The following SNCB variants were observed in gnomAD, a reference collection of about 807,000 sequenced individuals.
SNCB encodes beta-synuclein.
In SNCB, 8 loss-of-function variants were observed where a neutral mutation model predicts 20.0. The observed-to-expected ratio is 0.40, with a 90% CI of 0.24 to 0.72. The LOEUF (loss-of-function observed/expected upper bound fraction) is 0.72. Among genes scored for constraint, SNCB ranks in the 30% least tolerant of loss-of-function variants. SNCB has a pLI of 0.37. For synonymous variants in SNCB, 56 were observed against 65.4 expected (o/e 0.86, Z 0.69); for missense variants, 125 against 168.0 (o/e 0.74, Z 1.41).
rs1291337536 is a variant in SNCB at position 176,629,723 on chromosome 5, C to T, written c.-9-60G>A. ...GCCCCGCACTCTCACCCCAGCCCCTCCCGCGGGACGCAGATGCCCCCCTAC... is the reference window on the plus strand; with the variant it reads ...GCCCCGCACTCTCACCCCAGCCCCTTCCGCGGGACGCAGATGCCCCCCTAC... On this transcript the variant is annotated intron_variant, in intron 1 of 5. Transcript: ENST00000393693. The surrounding 1 kb of genome is among the most constrained non-coding windows in gnomAD (Gnocchi z 4.1). 3.6e-5 allele frequency: 56 copies of T among 1,574,364 alleles called. No homozygotes were observed. Among genetic ancestry groups the T allele is most frequent in the Non-Finnish European group, 4.6e-5 (53 of 1,156,806 alleles).
Position 176,620,822 on chromosome 5 carries a change from G to A in SNCB, c.394C>T (p.Pro132Ser), listed in dbSNP as rs2113371933. The A allele has an allele frequency of 6.2e-7, 1 of 1,613,814 alleles. No individual in the cohort carries two copies. Among genetic ancestry groups the A allele is most frequent in the East Asian group, 2.2e-5 (1 of 44,876 alleles). The stretch of plus-strand genomic sequence containing the variant: ...GCTCTCCTGGGCCCCTACGCCTCTG[G>A]CTCATACTCCTGATATTCCTCCTGC... ...PPQEEYQEYE[P>S]EA The change falls in exon 6 of 6, where the codon CCA becomes TCA. Residue 132 changes from proline (P) to serine (S), a missense_variant. Transcript: ENST00000393693. The surrounding 1 kb of genome is among the most constrained non-coding windows in gnomAD (Gnocchi z 4.5).
At chr5:176,623,615 G>T (rs1002685028) in intron 4 of SNCB, among the ~76,000 whole-genome samples, 1 of 152,154 alleles carries the variant, frequency 6.6e-6, no homozygotes, top group African/African-American at 2.4e-5. Flanking sequence ...GTCCTGGGGG[G>T]TAGTGTTCTG....
intron 2 of SNCB, among the ~76,000 whole-genome samples, chr5:176,628,470 A>T (rs1439805549): frequency 1.3e-5 from 2 of 152,118 alleles, no homozygotes; most frequent in Non-Finnish European, 2.9e-5. Flanking sequence ...TAATCACATC[A>T]TGGCAGTCCC....
rs758679850 is a variant in SNCB, at chr5:176,626,611, G to A, written c.164-95C>T. 6 of 1,519,142 alleles carry A rather than the reference G, an allele frequency of 3.9e-6. No homozygotes were observed. The highest frequency in any genetic ancestry group is 5.5e-6 in the Non-Finnish European group (6 of 1,093,730). 94.1% of individuals were successfully genotyped at this position (1,519,142 alleles called of 1,614,324 possible). On this transcript the variant is annotated intron_variant, in intron 3 of 5. Transcript: ENST00000393693. This position sits in a 1 kb window ranked among gnomAD's most constrained non-coding sequence, Gnocchi z 4.2. ...TATCCCAGGGCCTGCCCTCCCCACGGAGCATTCCCGCAGAAGCCTTGGGAG... is the reference window on the plus strand; with the variant it reads ...TATCCCAGGGCCTGCCCTCCCCACGAAGCATTCCCGCAGAAGCCTTGGGAG...
At chr5:176,627,097 C>T (rs186348630) in intron 2 of SNCB, among the ~76,000 whole-genome samples, 13 of 152,340 alleles carry the variant, frequency 8.5e-5, no homozygotes, top group African/African-American at 2.9e-4. Flanking sequence ...TTATTGTCCC[C>T]GTTTCACGGA....
At chr5:176,627,042 C>T (rs1236613965) in intron 2 of SNCB, among the ~76,000 whole-genome samples, 3 of 152,236 alleles carry the variant, frequency 2.0e-5, no homozygotes, top group African/African-American at 7.2e-5. Context: ...CCTCTGCCTG[C>T]CCCGCTGCAC....
At position 176,620,955 on chromosome 5, in the gene SNCB, A is replaced by G. The variant is rs1307323633; in HGVS notation, c.373-112T>C. The stretch of plus-strand genomic sequence containing the variant: ...CCTCTCCCTGAAGGAGGAATAGCAC[A>G]TTCCCCTTTTCCTGGGCAGGGGAGG... On this transcript the variant is annotated intron_variant, in intron 5 of 5. Transcript: ENST00000393693. This position sits in a 1 kb window ranked among gnomAD's most constrained non-coding sequence, Gnocchi z 4.5. 12 of 972,518 alleles carry G rather than the reference A, an allele frequency of 1.2e-5. No homozygotes were observed. Among genetic ancestry groups the G allele is most frequent in the Middle Eastern group, 2.1e-4 (1 of 4,818 alleles). The allele number at this position is 972,518 out of a possible 1,614,324, so 60.2% of individuals were successfully genotyped here. A position where few individuals can be genotyped will look rare whatever the true frequency, so the allele number is the denominator to read the frequency against.
Position 176,620,504 on chromosome 5 carries a change from G to T in SNCB, c.*307C>A, listed in dbSNP as rs958330706. On this transcript the variant is annotated 3_prime_UTR_variant, in exon 6 of 6. Transcript: ENST00000393693. The surrounding 1 kb of genome is among the most constrained non-coding windows in gnomAD (Gnocchi z 4.5). ...GGGATCGGGGAGGAGCCGTCGCTCG[G>T]ATCTTCGTTTAAAAACACATAGAAC... 2 of 427,760 alleles carry T rather than the reference G, an allele frequency of 4.7e-6. No homozygotes were observed. The highest frequency in any genetic ancestry group is 8.4e-6 in the Non-Finnish European group (2 of 239,008). The allele number at this position is 427,760 out of a possible 1,614,324, so 26.5% of individuals were successfully genotyped here.
chr5:176,626,873 G>A lies in SNCB; in HGVS notation c.122-112C>T. 1 of 1,102,970 alleles carries A rather than the reference G, an allele frequency of 9.1e-7. No homozygotes were observed. Among genetic ancestry groups the A allele is most frequent in the South Asian group, 1.2e-5 (1 of 80,682 alleles). The allele number at this position is 1,102,970 out of a possible 1,614,324, so 68.3% of individuals were successfully genotyped here. A position where few individuals can be genotyped will look rare whatever the true frequency, so the allele number is the denominator to read the frequency against. ...TCCTGGCCCCGTCACTGCCTCCTTG[G>A]GTCCCCACATCCTACAACCTGCACC... is the stretch of plus-strand genomic sequence containing the variant. On this transcript the variant is annotated intron_variant, in intron 2 of 5. Coordinates refer to ENST00000393693, the MANE Select transcript of SNCB (RefSeq NM_003085.5). The surrounding 1 kb of genome is among the most constrained non-coding windows in gnomAD (Gnocchi z 4.2).
chr5:176,627,656 G>A (rs35695764), intron 2 of SNCB, among the ~76,000 whole-genome samples: 25,759 of 149,326 alleles, frequency 0.17, 2,375 homozygotes, highest in East Asian at 0.41. Flanking sequence ...GACTGAGCCC[G>A]GCGGGGGGGT....
chr5:176,626,751 G>A lies in SNCB; in HGVS notation c.132C>T (p.Thr44=). Residue 44 remains threonine (T), a synonymous_variant, in exon 3 of 6, where the codon ACC becomes ACT. Coordinates refer to ENST00000393693, the MANE Select transcript of SNCB (RefSeq NM_003085.5). This position sits in a 1 kb window ranked among gnomAD's most constrained non-coding sequence, Gnocchi z 4.2. ...KEGVLYVGSK[T]REGVVQGVAS... ...CCACACCTTGTACCACACCTTCTCG[G>A]GTCTTGCTTCCTGCAGGGAGAAAAA... 6.2e-7 allele frequency: 1 copy of A among 1,614,136 alleles called. No homozygotes were observed. The highest frequency in any genetic ancestry group is 8.5e-7 in the Non-Finnish European group (1 of 1,180,008).
rs1331142152 is a variant in SNCB, at chr5:176,629,765, C to T, written c.-9-102G>A. ...CCCCCCTACTCCCGAGACCGCGGCG[C>T]CCTTCTGGACCCTGAGCCCCCTCCC... On this transcript the variant is annotated intron_variant, in intron 1 of 5. Coordinates refer to ENST00000393693, the MANE Select transcript of SNCB (RefSeq NM_003085.5). This position sits in a 1 kb window ranked among gnomAD's most constrained non-coding sequence, Gnocchi z 4.1. 2.8e-6 allele frequency: 4 copies of T among 1,435,724 alleles called. No individual in the cohort carries two copies. The highest frequency in any genetic ancestry group is 2.8e-5 in the South Asian group (2 of 72,578). The allele number at this position is 1,435,724 out of a possible 1,614,324, so 88.9% of individuals were successfully genotyped here. A position where few individuals can be genotyped will look rare whatever the true frequency, so the allele number is the denominator to read the frequency against.
chr5:176,621,249 C>G lies in SNCB; in HGVS notation c.337G>C (p.Glu113Gln). 1 of 1,613,878 alleles carries G rather than the reference C, an allele frequency of 6.2e-7. No homozygotes were observed. The highest frequency in any genetic ancestry group is 8.5e-7 in the Non-Finnish European group (1 of 1,179,944). Residue 113 changes from glutamate (E) to glutamine (Q), a missense_variant, in exon 5 of 6, where the codon GAG (glutamate) becomes CAG (glutamine). Glu to Gln is a conservative substitution (Grantham distance 29). Coordinates refer to ENST00000393693, the MANE Select transcript of SNCB (RefSeq NM_003085.5). The surrounding 1 kb of genome is among the most constrained non-coding windows in gnomAD (Gnocchi z 4.1). Reference protein sequence around the residue: ...AEEPLIEPLMEPEGESYEDPP... With the variant: ...AEEPLIEPLMQPEGESYEDPP... ...TCCTCATAACTCTCCCCTTCTGGCT[C>G]CATCAGGGGCTCAATCAGTGGTTCT...
intron 4 of SNCB, among the ~76,000 whole-genome samples, chr5:176,624,818 C>CAAAAAAAAAAAAAAAAAAAAAA (rs1202696856): frequency 7.5e-6 from 1 of 133,002 alleles, no homozygotes; most frequent in Non-Finnish European, 1.5e-5. Context: ...AAAAAAAAAA[C>CAAAAAAAAAAAAAAAAAAAAAA]AAAAAAAAAC....
At position 176,629,790 on chromosome 5, in the gene SNCB, C is replaced by T. The variant is rs560682151; in HGVS notation, c.-9-127G>A. On this transcript the variant is annotated intron_variant, in intron 1 of 5. Coordinates refer to ENST00000393693, the MANE Select transcript of SNCB (RefSeq NM_003085.5). The surrounding 1 kb of genome is among the most constrained non-coding windows in gnomAD (Gnocchi z 4.1). Reference sequence around the variant, plus strand: ...CCCTTCTGGACCCTGAGCCCCCTCCCGCTTTCCCCCCATCCCACCCCACTC... The same window carrying T: ...CCCTTCTGGACCCTGAGCCCCCTCCTGCTTTCCCCCCATCCCACCCCACTC... 4.8e-5 allele frequency: 64 copies of T among 1,324,466 alleles called. No homozygotes were observed. The Admixed American group carries it at 1.4e-3, about 30-fold the overall frequency. The allele number at this position is 1,324,466 out of a possible 1,614,324, so 82.0% of individuals were successfully genotyped here.
Position 176,621,137 on chromosome 5 carries a change from G to A in SNCB, c.372+77C>T. On this transcript the variant is annotated intron_variant, in intron 5 of 5. Coordinates refer to ENST00000393693, the MANE Select transcript of SNCB (RefSeq NM_003085.5). The surrounding 1 kb of genome is among the most constrained non-coding windows in gnomAD (Gnocchi z 4.1). The stretch of plus-strand genomic sequence containing the variant: ...CCTGGCCCAACCATCTCATGCCAGG[G>A]ATGTCCCACCCCAGCTAGGGACGGC... The A allele has an allele frequency of 8.5e-7, 1 of 1,182,992 alleles. No homozygotes were observed. The highest frequency in any genetic ancestry group is 2.5e-5 in the East Asian group (1 of 40,124). The allele number at this position is 1,182,992 out of a possible 1,614,324, so 73.3% of individuals were successfully genotyped here. A position where few individuals can be genotyped will look rare whatever the true frequency, so the allele number is the denominator to read the frequency against.
chr5:176,625,358 C>T (rs891641843), intron 4 of SNCB, among the ~76,000 whole-genome samples: 1 of 152,238 alleles, frequency 6.6e-6, no homozygotes, highest in African/African-American at 2.4e-5. Context: ...GAAATTCTAA[C>T]GATGGGGCCA....
At position 176,629,741 on chromosome 5, in the gene SNCB, C is replaced by T; in HGVS notation, c.-9-78G>A. On this transcript the variant is annotated intron_variant, in intron 1 of 5. Transcript: ENST00000393693. This position sits in a 1 kb window ranked among gnomAD's most constrained non-coding sequence, Gnocchi z 4.1. The stretch of plus-strand genomic sequence containing the variant: ...AGCCCCTCCCGCGGGACGCAGATGC[C>T]CCCCTACTCCCGAGACCGCGGCGCC... The T allele has an allele frequency of 2.0e-6, 3 of 1,535,962 alleles. No individual in the cohort carries two copies. The highest frequency in any genetic ancestry group is 3.7e-5 in the Admixed American group (2 of 54,588).
chr5:176,626,362 G>A lies in SNCB; in HGVS notation c.282+36C>T. 9.0e-7 allele frequency: 1 copy of A among 1,117,238 alleles called. No individual in the cohort carries two copies. The highest frequency in any genetic ancestry group is 1.4e-6 in the Non-Finnish European group (1 of 735,786). 69.2% of individuals were successfully genotyped at this position (1,117,238 alleles called of 1,614,324 possible). ...TGTGTGTGTGTGTGTGTGTGTGTGT[G>A]TTTGCCTGCATGTGCGGGTCAGAAG... is the stretch of plus-strand genomic sequence containing the variant. On this transcript the variant is annotated intron_variant, in intron 4 of 5. Coordinates refer to ENST00000393693, the MANE Select transcript of SNCB (RefSeq NM_003085.5). This position sits in a 1 kb window ranked among gnomAD's most constrained non-coding sequence, Gnocchi z 4.2.
Sources: gnomAD v4.1 joint callset for allele counts (sites outside exome capture counted in the v4.1 genomes callset) on GRCh38, gnomAD v4.1.1 for gene constraint, Gnocchi (gnomAD v3.1) non-coding constraint, MANE v1.5 for transcripts, NCBI Gene and HGNC (gene_info 2026-07-23, HGNC 2026-07-21) for gene names.